TMPRSS11D: variants seen among roughly 807,000 people sequenced by gnomAD.
TMPRSS11D encodes transmembrane protease serine 11D.
Under a neutral mutation model 44.4 loss-of-function variants are expected in TMPRSS11D, and 32 were observed. The observed-to-expected ratio is 0.72, with a 90% confidence interval of 0.54 to 0.97. TMPRSS11D has a LOEUF of 0.97. Ranked by LOEUF, TMPRSS11D falls within the 50% of genes least tolerant of loss-of-function variation. TMPRSS11D has a pLI of 0.00. For synonymous variants in TMPRSS11D, 179 were observed against 177.9 expected (o/e 1.01, Z -0.05); for missense variants, 446 against 502.6 (o/e 0.89, Z 1.08).
intron 8 of TMPRSS11D, 89 bp downstream of exon 8, chr4:67,827,172 C>A: frequency 6.8e-7 from 1 of 1,461,372 alleles, no homozygotes; most frequent in East Asian, 2.3e-5. Context: ...AATAGAAACA[C>A]CTATTCCAGA....
chr4:67,827,180 A>G, intron 8 of TMPRSS11D, 81 bp downstream of exon 8: 1 of 1,506,864 alleles, frequency 6.6e-7, no homozygotes, highest in South Asian at 1.4e-5. Context: ...CACCTATTCC[A>G]GATGTTTCCT....
chr4:67,836,456 G>C lies in TMPRSS11D; in HGVS notation c.476-1335C>G, dbSNP rs151193558. ...TATGCAAAGTTATTTCCCACTAAAA[G>C]TTTCACAAGGTTTGGGTATCACATT... On this transcript the variant is annotated intron_variant, in intron 5 of 9. Transcript: ENST00000283916. Among the ~76,000 whole-genome samples, 161 of 152,254 alleles carry C rather than the reference G, an allele frequency of 1.1e-3. 1 individual carries two copies. Among genetic ancestry groups the C allele is most frequent in the Non-Finnish European group, 2.0e-3 (135 of 68,014 alleles).
intron 8 of TMPRSS11D, among the ~76,000 whole-genome samples, chr4:67,826,308 T>C (rs1717791232): frequency 6.6e-6 from 1 of 152,082 alleles, no homozygotes; most frequent in Non-Finnish European, 1.5e-5. Context: ...CCAATAGTTT[T>C]TCATGACTGG....
At position 67,854,209 on chromosome 4, in the gene TMPRSS11D, G is replaced by GGTC. The variant is rs772590591; in HGVS notation, c.131-26_131-24dup. The GGTC allele has an allele frequency of 4.1e-6, 5 of 1,224,170 alleles. No individual in the cohort carries two copies. The East Asian group carries it at 1.2e-4, about 30-fold the overall frequency. 75.8% of individuals were successfully genotyped at this position (1,224,170 alleles called of 1,614,324 possible). On this transcript the variant is annotated intron_variant, in intron 2 of 9. Transcript: ENST00000283916. Reference sequence around the variant, plus strand: ...GATCTGAAAAAGAAATAAAAGGGAAGGTCAGTCTTACTTTACTAAGTTGTT... The same window carrying GGTC: ...GATCTGAAAAAGAAATAAAAGGGAAGGTCGTCAGTCTTACTTTACTAAGTTGTT...
At chr4:67,875,308 G>T (rs1011217433) in intron 1 of TMPRSS11D, among the ~76,000 whole-genome samples, 14 of 152,182 alleles carry the variant, frequency 9.2e-5, no homozygotes, top group African/African-American at 3.4e-4. Context: ...AAAGCTGCTC[G>T]ACAGGAGGCA....
intron 8 of TMPRSS11D, among the ~76,000 whole-genome samples, chr4:67,826,687 A>T (rs1717799705): frequency 6.6e-6 from 1 of 151,836 alleles, no homozygotes; most frequent in Non-Finnish European, 1.5e-5. Flanking sequence ...TTGGGAGGCC[A>T]ACAAGGCAGG....
At chr4:67,880,743 T>C (rs1156802350) in intron 1 of TMPRSS11D, among the ~76,000 whole-genome samples, 3 of 152,116 alleles carry the variant, frequency 2.0e-5, no homozygotes, top group African/African-American at 7.2e-5. Flanking sequence ...GTGATCCTCC[T>C]ACCTCGGCCT....
At chr4:67,845,157 C>T (rs1718329024) in intron 3 of TMPRSS11D, among the ~76,000 whole-genome samples, 1 of 151,948 alleles carries the variant, frequency 6.6e-6, no homozygotes, top group Non-Finnish European at 1.5e-5. Flanking sequence ...TTAGTAAGGA[C>T]TAAGATAATA....
intron 1 of TMPRSS11D, 145 bp downstream of exon 1, chr4:67,883,781 T>C (rs1188758529): frequency 1.8e-6 from 1 of 554,652 alleles, no homozygotes; most frequent in South Asian, 3.2e-5. Context: ...ATCTAAACAA[T>C]ATCTAAGAGT....
At chr4:67,883,129 G>A (rs905909124) in intron 1 of TMPRSS11D, among the ~76,000 whole-genome samples, 2 of 151,912 alleles carry the variant, frequency 1.3e-5, no homozygotes, top group Non-Finnish European at 2.9e-5. Flanking sequence ...AAATTCAGCT[G>A]CACTTATTAT....
At chr4:67,838,503 C>T (rs2109669103) in intron 4 of TMPRSS11D, among the ~76,000 whole-genome samples, 174 bp from the exon 5 acceptor site, 1 of 152,186 alleles carries the variant, frequency 6.6e-6, no homozygotes, top group South Asian at 2.1e-4. Context: ...TGCTATCTCA[C>T]TTATTTGATT....
intron 1 of TMPRSS11D, among the ~76,000 whole-genome samples, chr4:67,865,912 A>G (rs1350057854): frequency 6.6e-6 from 1 of 152,064 alleles, no homozygotes; most frequent in African/African-American, 2.4e-5. Context: ...ACTCTACAAG[A>G]TGTATAAAGA....
intron 1 of TMPRSS11D, among the ~76,000 whole-genome samples, chr4:67,859,884 G>A (rs1434168781): frequency 6.6e-6 from 1 of 151,936 alleles, no homozygotes; most frequent in Non-Finnish European, 1.5e-5. Context: ...AGCACAAAAT[G>A]AATGAAATTC....
At chr4:67,879,471 C>CA (rs58768044) in intron 1 of TMPRSS11D, among the ~76,000 whole-genome samples, 60,806 of 108,574 alleles carry the variant, frequency 0.56, 16,066 homozygotes, top group East Asian at 0.67. Context: ...GACTCCTTCT[C>CA]AAAAAAAAAA....
chr4:67,835,168 T>C (rs746990930), intron 5 of TMPRSS11D, 47 bp from the exon 6 acceptor site: 1 of 1,519,144 alleles, frequency 6.6e-7, no homozygotes, highest in Admixed American at 1.7e-5. Context: ...AAGGCTGATA[T>C]CATTTCACCA....
At chr4:67,849,921 A>G (rs1348080) in intron 3 of TMPRSS11D, among the ~76,000 whole-genome samples, 23,031 of 152,138 alleles carry the variant, frequency 0.15, 1,923 homozygotes, top group East Asian at 0.33. Flanking sequence ...TTTACTTACC[A>G]GTCTATACAA....
chr4:67,876,399 T>C (rs1719191670), intron 1 of TMPRSS11D, among the ~76,000 whole-genome samples: 1 of 152,066 alleles, frequency 6.6e-6, no homozygotes, highest in Non-Finnish European at 1.5e-5. Context: ...CTAAAAATAA[T>C]ATATATTTTT....
intron 3 of TMPRSS11D, among the ~76,000 whole-genome samples, chr4:67,849,943 T>C (rs573501205): frequency 6.6e-6 from 1 of 152,296 alleles, no homozygotes; most frequent in South Asian, 2.1e-4. Flanking sequence ...TGATTTATAA[T>C]TTTTATGGCA....
intron 1 of TMPRSS11D, among the ~76,000 whole-genome samples, chr4:67,871,324 G>T (rs1395399566): frequency 6.6e-6 from 1 of 152,108 alleles, no homozygotes; most frequent in African/African-American, 2.4e-5. Context: ...ATTTTCAGAT[G>T]CTGTTTCTGA....
Sources: allele counts gnomAD v4.1 joint callset (sites outside exome capture counted in the v4.1 genomes callset), GRCh38; gene constraint gnomAD v4.1.1; transcripts MANE v1.5; gene names NCBI Gene and HGNC (gene_info 2026-07-23, HGNC 2026-07-21).